MCM8: variants seen among roughly 807,000 people sequenced by gnomAD.
MCM8 encodes DNA helicase MCM8.
A neutral mutation model predicts 98.9 loss-of-function variants in MCM8; 85 were observed. The ratio of observed to expected loss-of-function variants is 0.86; its 90% CI spans 0.72 to 1.03. The LOEUF is 1.03. Ranked by LOEUF, MCM8 falls within the 50% of genes least tolerant of loss-of-function variation. The probability of loss-of-function intolerance (pLI) is 0.00; values close to 1 mark genes in which losing one functional copy is unlikely to be tolerated. For missense variants in MCM8, 951 were observed against 997.8 expected (o/e 0.95, Z 0.63); for synonymous variants, 352 against 338.6 (o/e 1.04, Z -0.44).
chr20:5,979,552 A>G (rs949715872), intron 13 of MCM8, among the ~76,000 whole-genome samples: 5 of 151,660 alleles, frequency 3.3e-5, no homozygotes, highest in African/African-American at 2.4e-5. Flanking sequence ...GTAAATGACA[A>G]CTCTCATTAT....
chr20:5,987,450 C>A, intron 17 of MCM8, 92 bp downstream of exon 17: 2 of 914,294 alleles, frequency 2.2e-6, no homozygotes, highest in African/African-American at 1.7e-5. Context: ...TTTATTTAGC[C>A]CATTGGGTCA....
intron 18 of MCM8, chr20:5,993,905 T>G: frequency 2.3e-6 from 1 of 440,678 alleles, no homozygotes; most frequent in Non-Finnish European, 4.0e-6. Context: ...TTTAACATCT[T>G]TTAACGTTGC....
chr20:5,965,687 C>A (rs1269881306), intron 8 of MCM8, among the ~76,000 whole-genome samples: 1 of 152,122 alleles, frequency 6.6e-6, no homozygotes, highest in Non-Finnish European at 1.5e-5. Flanking sequence ...TTGGAATTAT[C>A]CCACATTTTA....
At chr20:5,960,165 A>G (rs2089104686) in intron 7 of MCM8, among the ~76,000 whole-genome samples, 1 of 151,706 alleles carries the variant, frequency 6.6e-6, no homozygotes, top group African/African-American at 2.4e-5. Flanking sequence ...TATAATGTGA[A>G]TTTTTCTGAT....
At chr20:5,982,095 T>C (rs1379980161) in intron 13 of MCM8, among the ~76,000 whole-genome samples, 1 of 151,950 alleles carries the variant, frequency 6.6e-6, no homozygotes, top group Admixed American at 6.6e-5. Flanking sequence ...TAGAAGAAAA[T>C]CTGTTGAAAT....
chr20:5,976,963 A>G (rs1039298355), intron 12 of MCM8, among the ~76,000 whole-genome samples: 31 of 152,306 alleles, frequency 2.0e-4, no homozygotes, highest in African/African-American at 7.5e-4. Flanking sequence ...AAAATAATAA[A>G]TATAACAAAA....
intron 11 of MCM8, chr20:5,972,698 G>T: frequency 3.2e-6 from 4 of 1,250,582 alleles, no homozygotes; most frequent in Non-Finnish European, 4.2e-6. Context: ...GGGACTACAG[G>T]CATGCGCCAC....
intron 8 of MCM8, among the ~76,000 whole-genome samples, chr20:5,966,437 A>C (rs1451753176): frequency 5.3e-5 from 8 of 152,002 alleles, no homozygotes; most frequent in Non-Finnish European, 1.2e-4. Flanking sequence ...ATTTTTATAT[A>C]CATGCTTTAA....
At chr20:5,954,545 CT>C in intron 3 of MCM8, 62 bp from the exon 4 acceptor site, 1 of 921,718 alleles carries the variant, frequency 1.1e-6, no homozygotes, top group East Asian at 2.4e-5. Context: ...CTGCTTTTGT[CT>C]CATGAAAAAT....
In MCM8 at chr20:5,957,127, T is replaced by C. The variant is rs2089005577; in HGVS notation, c.488T>C (p.Val163Ala). 1.2e-6 allele frequency: 2 copies of C among 1,609,944 alleles called. No individual in the cohort carries two copies. Among genetic ancestry groups the C allele is most frequent in the Admixed American group, 3.3e-5 (2 of 59,852 alleles). Residue 163 changes from valine (V) to alanine (A), a missense_variant and splice_region_variant, in exon 6 of 19, where the codon GTG becomes GCG. Coordinates refer to ENST00000610722, the MANE Select transcript of MCM8 (RefSeq NM_032485.6). ...LACMGLAIHQ[V>A]LTKDLERHAA... ...AGAGTAAATGTCTGTCCTGTTTAGG[T>C]GTTAACTAAGGACCTTGAAAGGCAT...
intron 10 of MCM8, among the ~76,000 whole-genome samples, chr20:5,968,536 C>T (rs957405083): frequency 1.3e-5 from 2 of 151,846 alleles, no homozygotes; most frequent in African/African-American, 4.8e-5. Context: ...AAGAGTGAAA[C>T]TCTGTCTTTA....
chr20:5,989,384 G>A (rs886902864), intron 17 of MCM8, among the ~76,000 whole-genome samples: 3 of 152,054 alleles, frequency 2.0e-5, no homozygotes, highest in African/African-American at 4.8e-5. Flanking sequence ...CCAAAGTGCT[G>A]GGATTACAGG....
At chr20:5,980,548 C>T (rs944181386) in intron 13 of MCM8, among the ~76,000 whole-genome samples, 3 of 151,964 alleles carry the variant, frequency 2.0e-5, no homozygotes, top group Non-Finnish European at 4.4e-5. Flanking sequence ...AAAGATGATA[C>T]TCATGAAACC....
At chr20:5,979,847 C>T (rs560044275) in intron 13 of MCM8, among the ~76,000 whole-genome samples, 6 of 152,234 alleles carry the variant, frequency 3.9e-5, no homozygotes, top group African/African-American at 1.2e-4. Flanking sequence ...AGTAACTGCC[C>T]GTCTCGCTCA....
chr20:5,967,223 G>A (rs1371797955), intron 8 of MCM8, among the ~76,000 whole-genome samples: 1 of 152,062 alleles, frequency 6.6e-6, no homozygotes, highest in African/African-American at 2.4e-5. Flanking sequence ...ACTCATTTTG[G>A]TGGACATTTT....
intron 3 of MCM8, among the ~76,000 whole-genome samples, chr20:5,953,438 G>GGT (rs11470045): frequency 0.03 from 4,362 of 146,258 alleles, 91 homozygotes; most frequent in Admixed American, 0.061. Context: ...TCTCATGAGG[G>GGT]GTGTGTGTGT....
At chr20:5,981,866 T>C (rs892990653) in intron 13 of MCM8, among the ~76,000 whole-genome samples, 3 of 152,096 alleles carry the variant, frequency 2.0e-5, no homozygotes, top group Non-Finnish European at 4.4e-5. Flanking sequence ...GAGAGACAAA[T>C]TGATGACTAA....
chr20:5,954,749 G>T, intron 4 of MCM8, 59 bp downstream of exon 4: 3 of 1,018,344 alleles, frequency 2.9e-6, no homozygotes, highest in Non-Finnish European at 3.1e-6. Flanking sequence ...TGTATTCGAG[G>T]TACTTGTGAT....
chr20:5,952,487 G>C lies in MCM8; in HGVS notation c.212G>C (p.Arg71Pro), dbSNP rs763054819. Residue 71 changes from arginine to proline, a missense_variant, in exon 3 of 19, where the codon CGA (arginine) becomes CCA (proline). By Grantham distance (103) the Arg-to-Pro change is moderately radical (BLOSUM62 -2). Coordinates refer to ENST00000610722, the MANE Select transcript of MCM8 (RefSeq NM_032485.6). ...CAGTCAATGCAGTCAACATTGGATCGATTCATACCATATAAAGGCTGGAAG... is the reference window on the plus strand; with the variant it reads ...CAGTCAATGCAGTCAACATTGGATCCATTCATACCATATAAAGGCTGGAAG... ...TPQSMQSTLD[R>P]FIPYKGWKLY... 1 of 1,613,806 alleles carries C rather than the reference G, an allele frequency of 6.2e-7. No homozygotes were observed. Among genetic ancestry groups the C allele is most frequent in the Admixed American group, 1.7e-5 (1 of 59,998 alleles).
Sources: gnomAD v4.1 joint callset for allele counts (sites outside exome capture counted in the v4.1 genomes callset) on GRCh38, gnomAD v4.1.1 for gene constraint, MANE v1.5 for transcripts, NCBI Gene and HGNC (gene_info 2026-07-23, HGNC 2026-07-21) for gene names.